The following ENOX1 variants were observed in gnomAD, a reference collection of about 807,000 sequenced individuals.
ENOX1 encodes candidate growth-related and time keeping constitutive hydroquinone (NADH) oxidase.
Under a neutral mutation model 82.5 loss-of-function variants are expected in ENOX1, and 42 were observed. That is an observed-to-expected ratio of 0.51 (90% CI 0.40 to 0.66). The LOEUF (loss-of-function observed/expected upper bound fraction) is 0.66, where lower values mean the gene tolerates loss of function less well. ENOX1 is among the 30% of genes least tolerant of loss of function. The probability of loss-of-function intolerance (pLI) is 0.00; values close to 1 mark genes in which losing one functional copy is unlikely to be tolerated. For missense variants in ENOX1, 608 were observed against 811.6 expected (o/e 0.75, Z 3.05); for synonymous variants, 271 against 282.2 (o/e 0.96, Z 0.40).
intron 14 of ENOX1, among the ~76,000 whole-genome samples, chr13:43,249,574 C>T (rs1043345530): frequency 1.3e-5 from 2 of 152,068 alleles, no homozygotes; most frequent in South Asian, 4.2e-4. Context: ...TTTCTCAGTT[C>T]ATTTCTCAGT....
chr13:43,294,625 G>C (rs767842915), intron 12 of ENOX1, among the ~76,000 whole-genome samples: 1 of 152,094 alleles, frequency 6.6e-6, no homozygotes, highest in African/African-American at 2.4e-5. Context: ...CACATTCCTA[G>C]GATTTACTCA....
intron 15 of ENOX1, 106 bp from the exon 16 acceptor site, chr13:43,224,244 G>A (rs562520151): frequency 3.5e-6 from 3 of 868,866 alleles, no homozygotes; most frequent in African/African-American, 1.7e-5. Context: ...CTGAGTTATG[G>A]TCTTGCCATT....
At chr13:43,246,294 G>T (rs1485980042) in intron 14 of ENOX1, among the ~76,000 whole-genome samples, 2 of 152,218 alleles carry the variant, frequency 1.3e-5, no homozygotes, top group African/African-American at 4.8e-5. Flanking sequence ...ATGCTGTCTT[G>T]CTCCAGAGTC....
intron 1 of ENOX1, among the ~76,000 whole-genome samples, chr13:43,695,043 C>T (rs2086563452): frequency 6.6e-6 from 1 of 152,094 alleles, no homozygotes; most frequent in Non-Finnish European, 1.5e-5. Flanking sequence ...AAGCACTAAC[C>T]ACACACATCG....
At chr13:43,319,660 G>A (rs948438649) in intron 11 of ENOX1, among the ~76,000 whole-genome samples, 5 of 152,166 alleles carry the variant, frequency 3.3e-5, no homozygotes, top group African/African-American at 1.2e-4. Flanking sequence ...GCGCCCTGCA[G>A]TGGGTGCAGC....
At chr13:43,478,905 T>C (rs891198043) in intron 3 of ENOX1, among the ~76,000 whole-genome samples, 6 of 129,898 alleles carry the variant, frequency 4.6e-5, no homozygotes, top group African/African-American at 1.7e-4. Flanking sequence ...TGTATTCATA[T>C]TATATTACGG....
At position 43,508,531 on chromosome 13, in the gene ENOX1, T is replaced by C. The variant is rs752808514; in HGVS notation, c.-218-24379A>G. On this transcript the variant is annotated intron_variant, in intron 2 of 16. Transcript: ENST00000690772. ...CATTTGGTACTGTATATGATTGAGA[T>C]AGAAATGAAAGAATAAGTATATTAT... is the stretch of plus-strand genomic sequence containing the variant. Among the ~76,000 whole-genome samples the C allele has an allele frequency of 7.2e-5, 11 of 151,826 alleles. No homozygotes were observed. In the South Asian group the frequency reaches 1.2e-3, roughly 17 times the overall value.
At chr13:43,577,295 C>A (rs1477327725) in intron 2 of ENOX1, among the ~76,000 whole-genome samples, 1 of 152,098 alleles carries the variant, frequency 6.6e-6, no homozygotes. Context: ...CCACACCCGA[C>A]TAATTTTTGT....
chr13:43,623,825 G>T (rs968657598), intron 2 of ENOX1, among the ~76,000 whole-genome samples: 4 of 152,052 alleles, frequency 2.6e-5, no homozygotes, highest in African/African-American at 9.7e-5. Flanking sequence ...TTAACCATTT[G>T]CCCATTGAAA....
At chr13:43,767,777 T>G (rs1951364250) in intron 1 of ENOX1, among the ~76,000 whole-genome samples, 1 of 152,226 alleles carries the variant, frequency 6.6e-6, no homozygotes, top group South Asian at 2.1e-4. Flanking sequence ...AGTTGTCCAC[T>G]GGCAGACACC....
At chr13:43,464,434 G>T (rs2057629966) in intron 3 of ENOX1, among the ~76,000 whole-genome samples, 2 of 152,056 alleles carry the variant, frequency 1.3e-5, no homozygotes, top group African/African-American at 4.8e-5. Context: ...GGGACCTGGG[G>T]AAGGAGGGAG....
At chr13:43,470,261 C>CACATATATATACAT (rs1555289709) in intron 3 of ENOX1, among the ~76,000 whole-genome samples, 2 of 40,764 alleles carry the variant, frequency 4.9e-5, no homozygotes, top group East Asian at 3.3e-4. Context: ...TATATATATA[C>CACATATATATACAT]ATATATATAC....
chr13:43,320,295 G>C (rs1458972410), intron 11 of ENOX1, among the ~76,000 whole-genome samples: 1 of 152,220 alleles, frequency 6.6e-6, no homozygotes, highest in Non-Finnish European at 1.5e-5. Context: ...CCTGGCATTT[G>C]AACTCCGGTT....
intron 13 of ENOX1, among the ~76,000 whole-genome samples, chr13:43,266,340 A>G (rs529217120): frequency 6.6e-6 from 1 of 152,250 alleles, no homozygotes; most frequent in East Asian, 1.9e-4. Flanking sequence ...TATACCACCA[A>G]TGTGTTTGAT....
At chr13:43,694,969 C>T (rs1005006499) in intron 1 of ENOX1, among the ~76,000 whole-genome samples, 4 of 152,190 alleles carry the variant, frequency 2.6e-5, no homozygotes, top group Non-Finnish European at 5.9e-5. Flanking sequence ...TTCTCAAAGG[C>T]AAGGCCAGCA....
chr13:43,345,239 T>C (rs2049308726), intron 8 of ENOX1, among the ~76,000 whole-genome samples: 1 of 152,242 alleles, frequency 6.6e-6, no homozygotes, highest in East Asian at 1.9e-4. Context: ...GTGTTTGTAA[T>C]GTATGGTATT....
intron 2 of ENOX1, among the ~76,000 whole-genome samples, chr13:43,615,163 T>C (rs1248451166): frequency 6.6e-6 from 1 of 152,194 alleles, no homozygotes; most frequent in Admixed American, 6.5e-5. Context: ...TTACTATATG[T>C]ATAGGGCCTT....
At chr13:43,462,664 G>T (rs1431514341) in intron 3 of ENOX1, among the ~76,000 whole-genome samples, 1 of 152,154 alleles carries the variant, frequency 6.6e-6, no homozygotes, top group Non-Finnish European at 1.5e-5. Flanking sequence ...TCTTCGAGAG[G>T]GTAGCAAATA....
intron 14 of ENOX1, among the ~76,000 whole-genome samples, chr13:43,259,709 C>T (rs760186407): frequency 6.6e-6 from 1 of 152,130 alleles, no homozygotes; most frequent in African/African-American, 2.4e-5. Context: ...CTCCTGACCT[C>T]GTGATCCACC....
Sources: gnomAD v4.1 joint callset for allele counts (sites outside exome capture counted in the v4.1 genomes callset) on GRCh38, gnomAD v4.1.1 for gene constraint, MANE v1.5 for transcripts, NCBI Gene and HGNC (gene_info 2026-07-23, HGNC 2026-07-21) for gene names.